NR2F1-AS1: variants seen among roughly 807,000 people sequenced by gnomAD.
The protein encoded by NR2F1-AS1 is NR2F1 antisense RNA 1.
chr5:93,554,499 A>G lies in NR2F1-AS1; in HGVS notation n.535+375T>C, dbSNP rs561565481. On this transcript the variant is annotated intron_variant and non_coding_transcript_variant, in intron 3 of 5. Transcript: ENST00000660523. The stretch of plus-strand genomic sequence containing the variant: ...GTTGAATCTCCTTCATAAAGCTGAG[A>G]AGCTGATAAAATATTACTGGAAGAC... Among the ~76,000 whole-genome samples the G allele has an allele frequency of 2.0e-5, 3 of 152,336 alleles. No individual in the cohort carries two copies. The South Asian group carries it at 6.2e-4, about 32-fold the overall frequency.
intron 4 of NR2F1-AS1, among the ~76,000 whole-genome samples, chr5:93,524,699 T>C (rs1328958072): frequency 3.3e-5 from 5 of 152,092 alleles, no homozygotes; most frequent in African/African-American, 9.7e-5. Flanking sequence ...TGGGGTCCAA[T>C]ATGCAATACT....
At chr5:93,564,342 T>C (rs1752569121) in intron 1 of NR2F1-AS1, among the ~76,000 whole-genome samples, 1 of 152,004 alleles carries the variant, frequency 6.6e-6, no homozygotes. Flanking sequence ...ATAAAATATA[T>C]AACTCCAACC....
chr5:93,466,418 C>T (rs1180381193), intron 4 of NR2F1-AS1, among the ~76,000 whole-genome samples: 2 of 151,870 alleles, frequency 1.3e-5, no homozygotes, highest in African/African-American at 2.4e-5. Context: ...CTCATTGCAA[C>T]CTCCACCTCC....
chr5:93,470,384 C>A (rs1165215201), intron 4 of NR2F1-AS1, among the ~76,000 whole-genome samples: 1 of 151,682 alleles, frequency 6.6e-6, no homozygotes, highest in South Asian at 2.1e-4. Flanking sequence ...AATAACTAAA[C>A]AAAATCATAT....
intron 4 of NR2F1-AS1, among the ~76,000 whole-genome samples, chr5:93,462,661 A>T (rs1158528223): frequency 6.6e-6 from 1 of 152,194 alleles, no homozygotes; most frequent in African/African-American, 2.4e-5. Context: ...TCTGACAAAA[A>T]TGCTGATAAT....
intron 4 of NR2F1-AS1, among the ~76,000 whole-genome samples, chr5:93,507,835 C>A (rs991289593): frequency 2.0e-5 from 3 of 152,058 alleles, no homozygotes; most frequent in Non-Finnish European, 4.4e-5. Context: ...TACACAGAGG[C>A]AATATCCAAG....
At chr5:93,423,647 C>T (rs559308108) in intron 4 of NR2F1-AS1, among the ~76,000 whole-genome samples, 2 of 152,302 alleles carry the variant, frequency 1.3e-5, no homozygotes, top group East Asian at 3.9e-4. Flanking sequence ...AGTACAATTA[C>T]AAATCTTGTC....
At chr5:93,492,597 A>C (rs777183245) in intron 4 of NR2F1-AS1, among the ~76,000 whole-genome samples, 1 of 152,092 alleles carries the variant, frequency 6.6e-6, no homozygotes, top group African/African-American at 2.4e-5. Context: ...GAAAACTATA[A>C]CTCAATATCC....
chr5:93,556,146 G>A (rs557684488), intron 2 of NR2F1-AS1, among the ~76,000 whole-genome samples: 3 of 152,040 alleles, frequency 2.0e-5, no homozygotes, highest in Non-Finnish European at 2.9e-5. Flanking sequence ...CTCTGGCCCC[G>A]AATGCCCATC....
In NR2F1-AS1 at chr5:93,579,315, A is replaced by C. The variant is rs1752965611; in HGVS notation, n.313+1152T>G. 6.6e-6 allele frequency among the ~76,000 whole-genome samples: 1 copy of C among 151,912 alleles called. No individual in the cohort carries two copies. The highest frequency in any genetic ancestry group is 6.5e-5 in the Admixed American group (1 of 15,270). On this transcript the variant is annotated intron_variant and non_coding_transcript_variant, in intron 1 of 5. Transcript: ENST00000660523. This position sits in a 1 kb window ranked among gnomAD's most constrained non-coding sequence, Gnocchi z 5.1. ...CCACTCCCACCCCTGGGACTAGGAC[A>C]GGGGACTTCACCCTCCTCCTTCCTT...
intron 4 of NR2F1-AS1, among the ~76,000 whole-genome samples, chr5:93,529,851 A>C (rs1308802036): frequency 1.3e-5 from 2 of 152,146 alleles, no homozygotes; most frequent in Non-Finnish European, 2.9e-5. Context: ...CCTGTGTGAT[A>C]AGTCTTAAGA....
intron 4 of NR2F1-AS1, among the ~76,000 whole-genome samples, chr5:93,531,941 A>C (rs1751744189): frequency 6.6e-6 from 1 of 152,236 alleles, no homozygotes; most frequent in South Asian, 2.1e-4. Flanking sequence ...TAACAGCAGC[A>C]ATAAATCTAA....
At chr5:93,442,014 G>A (rs536693776) in intron 4 of NR2F1-AS1, among the ~76,000 whole-genome samples, 63 of 152,330 alleles carry the variant, frequency 4.1e-4, no homozygotes, top group African/African-American at 1.4e-3. Context: ...GAGACTGCAT[G>A]ACCCACAAAA....
chr5:93,537,279 C>T (rs1011795884), intron 4 of NR2F1-AS1, among the ~76,000 whole-genome samples: 1 of 151,980 alleles, frequency 6.6e-6, no homozygotes, highest in Non-Finnish European at 1.5e-5. Flanking sequence ...AACATATAGG[C>T]AACAAAAGCA....
chr5:93,541,785 T>C lies in NR2F1-AS1; in HGVS notation n.638+11976A>G, dbSNP rs374363730. 2.6e-5 allele frequency: 4 copies of C among 152,072 alleles called. No homozygotes were observed. The East Asian group carries it at 7.7e-4, about 29-fold the overall frequency. The allele number at this position is 152,072 out of a possible 1,614,324, so 9.4% of individuals were successfully genotyped here. A position where few individuals can be genotyped will look rare whatever the true frequency, so the allele number is the denominator to read the frequency against. On this transcript the variant is annotated intron_variant and non_coding_transcript_variant, in intron 4 of 5. Coordinates refer to ENST00000660523, the Ensembl canonical transcript of NR2F1-AS1. ...GAGCTACCCAACCAGACTGACTCAATAACAAGCAGGGCAGGAATCAAATAA... is the reference window on the plus strand; with the variant it reads ...GAGCTACCCAACCAGACTGACTCAACAACAAGCAGGGCAGGAATCAAATAA...
At position 93,579,497 on chromosome 5, in the gene NR2F1-AS1, C is replaced by A. The variant is rs1752969642; in HGVS notation, n.313+970G>T. Among the ~76,000 whole-genome samples, 1 of 152,176 alleles carries A rather than the reference C, an allele frequency of 6.6e-6. No homozygotes were observed. Among genetic ancestry groups the A allele is most frequent in the Non-Finnish European group, 1.5e-5 (1 of 68,028 alleles). On this transcript the variant is annotated intron_variant and non_coding_transcript_variant, in intron 1 of 5. Transcript: ENST00000660523. The surrounding 1 kb of genome is among the most constrained non-coding windows in gnomAD (Gnocchi z 5.1). ...ATGGGTGGGCGCCTCTGCTCCCGGG[C>A]AGGCTCAGCTGTCATCCCGTCTCGC... is the stretch of plus-strand genomic sequence containing the variant.
intron 4 of NR2F1-AS1, among the ~76,000 whole-genome samples, chr5:93,443,663 A>G (rs2149853385): frequency 6.6e-6 from 1 of 152,346 alleles, no homozygotes; most frequent in Admixed American, 6.5e-5. Context: ...CAATCTAGAA[A>G]GACAGGCCAA....
chr5:93,489,799 C>T lies in NR2F1-AS1; in HGVS notation n.638+63962G>A, dbSNP rs145664679. On this transcript the variant is annotated intron_variant and non_coding_transcript_variant, in intron 4 of 5. Transcript: ENST00000660523. ...AAGTTCTCTAAGGGCAGTTTAACCG[C>T]GGTAAGAGATCACATCTTGCATTCC... is the stretch of plus-strand genomic sequence containing the variant. Among the ~76,000 whole-genome samples, 468 of 152,224 alleles carry T rather than the reference C, an allele frequency of 3.1e-3. 4 individuals are homozygous for T. The highest frequency in any genetic ancestry group is 0.01 in the African/African-American group (429 of 41,548).
chr5:93,452,714 AG>A (rs1194660202), intron 4 of NR2F1-AS1, among the ~76,000 whole-genome samples: 6 of 152,314 alleles, frequency 3.9e-5, no homozygotes, highest in African/African-American at 1.4e-4. Flanking sequence ...CAGAGTGGAG[AG>A]GCCATATAGT....
Sources: allele counts gnomAD v4.1 joint callset (sites outside exome capture counted in the v4.1 genomes callset), GRCh38; gene constraint gnomAD v4.1.1; non-coding constraint Gnocchi (gnomAD v3.1); transcripts MANE v1.5; gene names NCBI Gene and HGNC (gene_info 2026-07-23, HGNC 2026-07-21).